Variants in ENKUR observed in about 807,000 individuals in gnomAD.
ENKUR encodes the protein enkurin.
Under a neutral mutation model 27.6 loss-of-function variants are expected in ENKUR, and 19 were observed. That is an observed-to-expected ratio of 0.69 (90% CI 0.48 to 1.01). ENKUR has a LOEUF of 1.01. Ranked by LOEUF, ENKUR falls within the 50% of genes least tolerant of loss-of-function variation. The pLI is 0.00. For synonymous variants in ENKUR, 117 were observed against 96.9 expected (o/e 1.21, Z -1.22); for missense variants, 312 against 310.5 (o/e 1.00, Z -0.04).
chr10:25,002,442 T>G (rs1288149243), intron 1 of ENKUR, among the ~76,000 whole-genome samples: 1 of 152,190 alleles, frequency 6.6e-6, no homozygotes, highest in Non-Finnish European at 1.5e-5. Flanking sequence ...TTTGTTTTAA[T>G]TTTTTCTTCT....
chr10:25,048,740 G>A (rs1158057), intron 2 of ENKUR, among the ~76,000 whole-genome samples: 3,597 of 152,190 alleles, frequency 0.024, 161 homozygotes, highest in African/African-American at 0.083. Context: ...GTTTCAGGGC[G>A]TGCTGGGAGT....
intron 2 of ENKUR, 87 bp downstream of exon 2, chr10:24,999,314 C>T: frequency 6.9e-6 from 9 of 1,298,850 alleles, no homozygotes; most frequent in East Asian, 2.4e-5. Flanking sequence ...ATCACCTGTG[C>T]ATGTTTAATA....
intron 3 of ENKUR, 109 bp downstream of exon 3, chr10:24,995,537 A>G: frequency 2.0e-6 from 2 of 986,972 alleles, no homozygotes; most frequent in Non-Finnish European, 3.0e-6. Flanking sequence ...AGCAAAGTAG[A>G]CAATGTGTCC....
intron 2 of ENKUR, 67 bp downstream of exon 2, chr10:24,999,334 A>C: frequency 6.8e-7 from 1 of 1,463,220 alleles, no homozygotes; most frequent in African/African-American, 1.5e-5. Context: ...ATTCATCAAC[A>C]ATAAAATAAT....
At chr10:25,042,775 A>T (rs1851079034) in intron 2 of ENKUR, among the ~76,000 whole-genome samples, 1 of 152,040 alleles carries the variant, frequency 6.6e-6, no homozygotes. Flanking sequence ...GGATTGCTTA[A>T]GCCCAGGAGT....
At chr10:25,052,525 C>T (rs1216621946) in intron 2 of ENKUR, among the ~76,000 whole-genome samples, 5 of 152,038 alleles carry the variant, frequency 3.3e-5, no homozygotes, top group African/African-American at 2.4e-5. Context: ...TGCCTGTAAT[C>T]GCAGGCCAAG....
rs1018788482 is a variant in ENKUR, at chr10:24,982,358, G to T, written c.*2012C>A. The T allele has an allele frequency of 6.6e-6, 1 of 152,252 alleles. No individual in the cohort carries two copies. The highest frequency in any genetic ancestry group is 1.5e-5 in the Non-Finnish European group (1 of 68,078). The allele number at this position is 152,252 out of a possible 1,614,324, so 9.4% of individuals were successfully genotyped here. On this transcript the variant is annotated 3_prime_UTR_variant, in exon 6 of 6. Transcript: ENST00000331161. The stretch of plus-strand genomic sequence containing the variant: ...GTACCTCAGTACTATGGGAATGCCA[G>T]TTACAGTGGGTAGGGAAGAAGCAGC...
chr10:24,996,436 ATGTGTGTGTG>A (rs150948274), intron 2 of ENKUR, among the ~76,000 whole-genome samples: 1 of 148,516 alleles, frequency 6.7e-6, no homozygotes, highest in Non-Finnish European at 1.5e-5. Context: ...AAGATCATAT[ATGTGTGTGTG>A]TGTGTGTGTG....
chr10:25,028,797 GTTC>G (rs773994939), intron 2 of ENKUR, among the ~76,000 whole-genome samples: 1 of 152,098 alleles, frequency 6.6e-6, no homozygotes, highest in Non-Finnish European at 1.5e-5. Context: ...CTCACCTTTG[GTTC>G]TTCTTTGATT....
intron 2 of ENKUR, among the ~76,000 whole-genome samples, chr10:25,032,668 A>C (rs1487906069): frequency 2.6e-5 from 4 of 152,134 alleles, no homozygotes; most frequent in African/African-American, 9.7e-5. Flanking sequence ...CCAAATTTTG[A>C]AGTTTTCATG....
chr10:25,049,575 G>A (rs913310026), intron 2 of ENKUR, among the ~76,000 whole-genome samples: 3 of 152,062 alleles, frequency 2.0e-5, no homozygotes, highest in African/African-American at 7.2e-5. Context: ...ATCACCTGAG[G>A]TCAGGGGTTC....
At chr10:25,026,068 G>T in intron 2 of ENKUR, 1 of 154,196 alleles carries the variant, frequency 6.5e-6, no homozygotes. Context: ...TAATAGAGAT[G>T]AGGTTTCGCC....
At chr10:25,031,031 T>G (rs2130454415) in intron 2 of ENKUR, among the ~76,000 whole-genome samples, 1 of 152,286 alleles carries the variant, frequency 6.6e-6, no homozygotes, top group South Asian at 2.1e-4. Context: ...GGCAAGAGAA[T>G]TGCTTGAATC....
At chr10:25,012,205 G>A (rs1850462182) in intron 1 of ENKUR, among the ~76,000 whole-genome samples, 1 of 151,868 alleles carries the variant, frequency 6.6e-6, no homozygotes, top group Non-Finnish European at 1.5e-5. Flanking sequence ...AAAATGTCTG[G>A]ATGTCTAGGC....
chr10:25,052,037 A>G (rs1851191364), intron 2 of ENKUR, among the ~76,000 whole-genome samples: 1 of 152,244 alleles, frequency 6.6e-6, no homozygotes, highest in African/African-American at 2.4e-5. Flanking sequence ...AAAAATAACA[A>G]TTTAAGCACC....
chr10:25,061,438 C>T, intron 1 of ENKUR: 1 of 346,674 alleles, frequency 2.9e-6, no homozygotes, highest in Non-Finnish European at 5.2e-6. Context: ...ATCTCTTCCT[C>T]CTTCTGCTCC....
At chr10:25,022,547 C>T (rs1320108301) in intron 2 of ENKUR, among the ~76,000 whole-genome samples, 1 of 152,086 alleles carries the variant, frequency 6.6e-6, no homozygotes, top group Admixed American at 6.6e-5. Flanking sequence ...GTGTAAAAGG[C>T]ACATAAGAAA....
chr10:25,060,662 G>C (rs1653137022), intron 2 of ENKUR, among the ~76,000 whole-genome samples: 1 of 152,100 alleles, frequency 6.6e-6, no homozygotes, highest in African/African-American at 2.4e-5. Flanking sequence ...TGTTGGCAGG[G>C]TAGACCCCAC....
rs186441736 is a variant in ENKUR at position 24,993,289 on chromosome 10, T to C, written c.447+2357A>G. Among the ~76,000 whole-genome samples, 37 of 152,368 alleles carry C rather than the reference T, an allele frequency of 2.4e-4. No individual in the cohort carries two copies. The East Asian group carries it at 4.4e-3, about 18-fold the overall frequency. Reference sequence around the variant, plus strand: ...ACTGTTAATAAAATTGCATATATTATACTATTCACTCTTTGTTCTTTTATT... The same window carrying C: ...ACTGTTAATAAAATTGCATATATTACACTATTCACTCTTTGTTCTTTTATT... On this transcript the variant is annotated intron_variant, in intron 3 of 5. Transcript: ENST00000331161.
Sources: gnomAD v4.1 joint callset for allele counts (sites outside exome capture counted in the v4.1 genomes callset) on GRCh38, gnomAD v4.1.1 for gene constraint, MANE v1.5 for transcripts, NCBI Gene and HGNC (gene_info 2026-07-23, HGNC 2026-07-21) for gene names.